The following CAPRIN1 variants were observed in gnomAD, a reference collection of about 807,000 sequenced individuals.
CAPRIN1 encodes the protein cell cycle associated protein 1.
In CAPRIN1, 29 loss-of-function variants were observed where a neutral mutation model predicts 100.9. The observed-to-expected ratio is 0.29, with a 90% CI of 0.21 to 0.39. The LOEUF (loss-of-function observed/expected upper bound fraction) is 0.39, where lower values mean the gene tolerates loss of function less well. Among genes scored for constraint, CAPRIN1 ranks in the 10% least tolerant of loss-of-function variants. The probability of loss-of-function intolerance (pLI) is 1.00; values close to 1 mark genes in which losing one functional copy is unlikely to be tolerated. For missense variants in CAPRIN1, 795 were observed against 876.7 expected (o/e 0.91, Z 1.18); for synonymous variants, 338 against 307.5 (o/e 1.10, Z -1.04).
chr11:34,052,809 C>T, intron 2 of CAPRIN1, 173 bp downstream of exon 2: 2 of 1,452,222 alleles, frequency 1.4e-6, no homozygotes, highest in South Asian at 2.9e-5. Context: ...GCTTCGTGCC[C>T]AGAAAACGGG....
Position 34,083,048 on chromosome 11 carries a change from GT to G in CAPRIN1, c.966+9del. 6.2e-7 allele frequency: 1 copy of G among 1,600,052 alleles called. No individual in the cohort carries two copies. The highest frequency in any genetic ancestry group is 2.2e-5 in the East Asian group (1 of 44,816). ...GACAGTTGAAACGGTTGAGGTAAGA[GT>G]TCTCTGTATTGCAAAGTTGTTGTCT... On this transcript the variant is annotated splice_region_variant and intron_variant, in intron 9 of 18. Coordinates refer to ENST00000341394, the MANE Select transcript of CAPRIN1 (RefSeq NM_005898.5).
intron 18 of CAPRIN1, chr11:34,098,472 A>T (rs1021190523): frequency 1.6e-4 from 159 of 985,234 alleles, no homozygotes; most frequent in Non-Finnish European, 1.8e-4. Context: ...GTAGTCTGAA[A>T]TTCTAAATGG....
intron 2 of CAPRIN1, among the ~76,000 whole-genome samples, chr11:34,066,704 G>A (rs1049569797): frequency 6.7e-6 from 1 of 149,960 alleles, no homozygotes; most frequent in African/African-American, 2.5e-5. Flanking sequence ...AGTGGCAGTG[G>A]CATGATCTTG....
At chr11:34,065,797 T>G (rs1221615249) in intron 2 of CAPRIN1, among the ~76,000 whole-genome samples, 1 of 152,218 alleles carries the variant, frequency 6.6e-6, no homozygotes, top group African/African-American at 2.4e-5. Context: ...GTATTTCCTC[T>G]TATGAGTGCT....
rs774820160 is a variant in CAPRIN1, at chr11:34,089,417, T to C, written c.1254T>C (p.Ala418=). The C allele has an allele frequency of 6.2e-7, 1 of 1,608,102 alleles. No homozygotes were observed. Among genetic ancestry groups the C allele is most frequent in the South Asian group, 1.1e-5 (1 of 90,734 alleles). Residue 418 remains alanine, a synonymous_variant, in exon 12 of 19, where the codon GCT becomes GCC. Coordinates refer to ENST00000341394, the MANE Select transcript of CAPRIN1 (RefSeq NM_005898.5). ...CAGTTCATTCTGAATCTAGACTTGC[T>C]CAGCCTAATCAAGTTCCTGTACAAC... The part of the protein sequence containing the change: ...CPPVHSESRL[A]QPNQVPVQPE...
At chr11:34,070,138 A>ATAG (rs1850780875) in intron 2 of CAPRIN1, among the ~76,000 whole-genome samples, 1 of 152,070 alleles carries the variant, frequency 6.6e-6, no homozygotes, top group Non-Finnish European at 1.5e-5. Flanking sequence ...TACAATAATA[A>ATAG]TAGTTTGTGA....
rs1306933624 is a variant in CAPRIN1 at position 34,100,700 on chromosome 11, T to A, written c.*1333T>A. The A allele has an allele frequency of 1.3e-5, 2 of 152,552 alleles. No homozygotes were observed. Among genetic ancestry groups the A allele is most frequent in the East Asian group, 3.9e-4 (2 of 5,192 alleles). 9.4% of individuals were successfully genotyped at this position (152,552 alleles called of 1,614,324 possible). A position where few individuals can be genotyped will look rare whatever the true frequency, so the allele number is the denominator to read the frequency against. ...GCATTTATATTCAGTGATAATTCCTTCCCTTAGATGCATAGGGAGAGTCTC... is the reference window on the plus strand; with the variant it reads ...GCATTTATATTCAGTGATAATTCCTACCCTTAGATGCATAGGGAGAGTCTC... On this transcript the variant is annotated 3_prime_UTR_variant, in exon 19 of 19. Coordinates refer to ENST00000341394, the MANE Select transcript of CAPRIN1 (RefSeq NM_005898.5).
intron 6 of CAPRIN1, among the ~76,000 whole-genome samples, chr11:34,079,419 C>T (rs1388828857): frequency 6.6e-6 from 1 of 152,042 alleles, no homozygotes; most frequent in Non-Finnish European, 1.5e-5. Context: ...CAAACAAAAA[C>T]CCCGTAAAGT....
intron 14 of CAPRIN1, among the ~76,000 whole-genome samples, chr11:34,091,447 C>T (rs1209309318): frequency 6.6e-6 from 1 of 152,100 alleles, no homozygotes. Flanking sequence ...CCACCATGCC[C>T]AGCTAATTTT....
At chr11:34,097,791 C>CT (rs757489044) in intron 18 of CAPRIN1, 30 bp downstream of exon 18, 4 of 1,613,740 alleles carry the variant, frequency 2.5e-6, no homozygotes, top group East Asian at 4.5e-5. Context: ...ATCCTAGCTC[C>CT]TAAGTGGAGC....
chr11:34,067,251 T>C (rs1196700647), intron 2 of CAPRIN1, among the ~76,000 whole-genome samples: 1 of 152,050 alleles, frequency 6.6e-6, no homozygotes, highest in African/African-American at 2.4e-5. Flanking sequence ...ATTTACTACA[T>C]TTTTTTGACT....
chr11:34,093,829 C>T (rs1377105723), intron 15 of CAPRIN1, among the ~76,000 whole-genome samples: 9 of 151,094 alleles, frequency 6.0e-5, no homozygotes, highest in Non-Finnish European at 1.2e-4. Flanking sequence ...GAGAGGGTTT[C>T]ACCATATTGT....
At chr11:34,081,226 A>G (rs550966976) in intron 7 of CAPRIN1, among the ~76,000 whole-genome samples, 1 of 149,182 alleles carries the variant, frequency 6.7e-6, no homozygotes, top group Admixed American at 6.6e-5. Context: ...TTTTTGAGAC[A>G]GTCTCTGTTT....
intron 4 of CAPRIN1, 54 bp from the exon 5 acceptor site, chr11:34,076,182 G>A (rs374713036): frequency 7.5e-7 from 1 of 1,326,124 alleles, no homozygotes. Context: ...GAAATGGATT[G>A]AACTAAGTTT....
intron 2 of CAPRIN1, chr11:34,053,664 C>T (rs1340774358): frequency 1.3e-5 from 2 of 151,888 alleles, no homozygotes; most frequent in African/African-American, 4.8e-5. Context: ...GTAGATCAAA[C>T]TACTGAGGTA....
At chr11:34,068,879 T>TC (rs1462639155) in intron 2 of CAPRIN1, among the ~76,000 whole-genome samples, 8 of 152,208 alleles carry the variant, frequency 5.3e-5, no homozygotes, top group African/African-American at 1.7e-4. Context: ...ATATACAAAC[T>TC]CTACCCCATG....
At chr11:34,094,666 G>A (rs1241229089) in intron 15 of CAPRIN1, among the ~76,000 whole-genome samples, 1 of 152,060 alleles carries the variant, frequency 6.6e-6, no homozygotes, top group African/African-American at 2.4e-5. Flanking sequence ...GTGAGGTGGT[G>A]AATGCCTGTA....
chr11:34,076,900 A>AT (rs1850919380), intron 6 of CAPRIN1, among the ~76,000 whole-genome samples: 1 of 151,834 alleles, frequency 6.6e-6, no homozygotes, highest in Non-Finnish European at 1.5e-5. Flanking sequence ...ACGCCTGGCT[A>AT]TTTTTTGTAT....
At chr11:34,068,942 C>CA (rs1850754305) in intron 2 of CAPRIN1, among the ~76,000 whole-genome samples, 1 of 151,998 alleles carries the variant, frequency 6.6e-6, no homozygotes, top group South Asian at 2.1e-4. Context: ...GAAAAATGTA[C>CA]AATACTATAG....
Sources: allele counts gnomAD v4.1 joint callset (sites outside exome capture counted in the v4.1 genomes callset), GRCh38; gene constraint gnomAD v4.1.1; transcripts MANE v1.5; gene names NCBI Gene and HGNC (gene_info 2026-07-23, HGNC 2026-07-21).